The following FBXL13 variants were observed in gnomAD, a reference collection of about 807,000 sequenced individuals.
The protein encoded by FBXL13 is F-box and leucine-rich repeat protein 13.
A neutral mutation model predicts 83.6 loss-of-function variants in FBXL13; 67 were observed. The observed-to-expected ratio is 0.80, with a 90% CI of 0.66 to 0.98. The LOEUF is 0.98. FBXL13 is among the 50% of genes least tolerant of loss of function. The probability of loss-of-function intolerance (pLI) is 0.00; values close to 1 mark genes in which losing one functional copy is unlikely to be tolerated. For missense variants in FBXL13, 822 were observed against 866.5 expected (o/e 0.95, Z 0.64); for synonymous variants, 272 against 299.5 (o/e 0.91, Z 0.95).
At chr7:102,945,507 C>T (rs930814897) in intron 8 of FBXL13, among the ~76,000 whole-genome samples, 13 of 151,908 alleles carry the variant, frequency 8.6e-5, no homozygotes, top group Admixed American at 2.0e-4. Flanking sequence ...GGAAATAATA[C>T]GAGGCCACTG....
At chr7:103,041,658 C>G (rs1795715806) in intron 2 of FBXL13, among the ~76,000 whole-genome samples, 1 of 152,198 alleles carries the variant, frequency 6.6e-6, no homozygotes, top group Non-Finnish European at 1.5e-5. Flanking sequence ...GGATGCAAGG[C>G]TGGTTCAACA....
At chr7:102,862,591 A>G (rs1323768682) in intron 16 of FBXL13, among the ~76,000 whole-genome samples, 1 of 152,240 alleles carries the variant, frequency 6.6e-6, no homozygotes, top group Non-Finnish European at 1.5e-5. Context: ...TAAACAAACC[A>G]TCAGCACAAA....
At chr7:102,834,120 A>T (rs1397629117) in intron 17 of FBXL13, among the ~76,000 whole-genome samples, 1 of 114,422 alleles carries the variant, frequency 8.7e-6, no homozygotes, top group Admixed American at 7.8e-5. Flanking sequence ...GAAAGAAAGA[A>T]AGAAAGAAAG....
intron 6 of FBXL13, among the ~76,000 whole-genome samples, chr7:102,970,572 C>T (rs966099272): frequency 4.6e-5 from 7 of 152,068 alleles, no homozygotes; most frequent in African/African-American, 9.7e-5. Context: ...TCAAGCCAGG[C>T]CTTACAGGAT....
intron 9 of FBXL13, among the ~76,000 whole-genome samples, chr7:102,928,782 A>G (rs188942567): frequency 6.6e-6 from 1 of 152,262 alleles, no homozygotes; most frequent in South Asian, 2.1e-4. Context: ...AAACAACTTC[A>G]TTATAATGAC....
chr7:103,035,624 A>G (rs913213101), intron 2 of FBXL13, among the ~76,000 whole-genome samples: 5 of 152,342 alleles, frequency 3.3e-5, no homozygotes, highest in Admixed American at 2.6e-4. Flanking sequence ...ACAGCTATAG[A>G]AAAAAAGTTT....
intron 16 of FBXL13, among the ~76,000 whole-genome samples, chr7:102,868,379 C>T (rs1462807173): frequency 1.3e-5 from 2 of 152,062 alleles, no homozygotes; most frequent in Non-Finnish European, 2.9e-5. Context: ...CCCCTTTTTT[C>T]AGATTCCGCA....
intron 17 of FBXL13, among the ~76,000 whole-genome samples, chr7:102,848,729 C>T (rs114666737): frequency 0.011 from 1,626 of 152,160 alleles, 37 homozygotes; most frequent in African/African-American, 0.038. Flanking sequence ...CACGGCGCCT[C>T]ACACCCATAA....
chr7:102,964,073 G>A (rs73192026), intron 7 of FBXL13, among the ~76,000 whole-genome samples: 26,399 of 152,116 alleles, frequency 0.17, 2,352 homozygotes, highest in Middle Eastern at 0.22. Flanking sequence ...CACCTTGGGA[G>A]GCCAAAGCGG....
intron 6 of FBXL13, among the ~76,000 whole-genome samples, chr7:102,983,733 T>C (rs1828578614): frequency 6.6e-6 from 1 of 152,128 alleles, no homozygotes; most frequent in African/African-American, 2.4e-5. Flanking sequence ...AAACCCATTC[T>C]TTCCCAGTCA....
At chr7:102,997,012 C>T (rs554275490) in intron 6 of FBXL13, among the ~76,000 whole-genome samples, 31 of 152,058 alleles carry the variant, frequency 2.0e-4, no homozygotes, top group African/African-American at 6.7e-4. Context: ...ATTACTAGAC[C>T]GAGAGATCCA....
chr7:102,826,196 CA>C (rs1192201347), intron 18 of FBXL13, among the ~76,000 whole-genome samples: 2 of 152,198 alleles, frequency 1.3e-5, no homozygotes, highest in South Asian at 2.1e-4. Context: ...ATTTTACTAG[CA>C]CTTCTGGTGA....
chr7:102,978,730 T>G (rs1827822948), intron 6 of FBXL13: 1 of 176,166 alleles, frequency 5.7e-6, no homozygotes, highest in Admixed American at 5.6e-5. Flanking sequence ...AATCCTTCAG[T>G]TTTGTATTGT....
At chr7:102,816,912 T>C (rs1798094583) in intron 19 of FBXL13, among the ~76,000 whole-genome samples, 2 of 152,260 alleles carry the variant, frequency 1.3e-5, no homozygotes, top group Admixed American at 1.3e-4. Context: ...TCCAGCCGCA[T>C]CCATGTTGCT....
At chr7:103,017,314 A>G (rs903539392) in intron 6 of FBXL13, among the ~76,000 whole-genome samples, 2 of 151,064 alleles carry the variant, frequency 1.3e-5, no homozygotes, top group African/African-American at 4.9e-5. Flanking sequence ...CCATACAAAA[A>G]CCCCATCTGT....
At chr7:102,817,225 A>G (rs1488348367) in intron 19 of FBXL13, among the ~76,000 whole-genome samples, 3 of 152,192 alleles carry the variant, frequency 2.0e-5, no homozygotes, top group Non-Finnish European at 4.4e-5. Flanking sequence ...TTCCCACCAC[A>G]GTGTAAAAGC....
chr7:102,865,534 TTTGA>T (rs1052350650), intron 16 of FBXL13, among the ~76,000 whole-genome samples: 5 of 152,104 alleles, frequency 3.3e-5, no homozygotes, highest in South Asian at 2.1e-4. Flanking sequence ...GTTTTTTTTG[TTTGA>T]TTGTTTGTTT....
chr7:102,901,727 C>T (rs1812985455), intron 11 of FBXL13, among the ~76,000 whole-genome samples: 1 of 152,184 alleles, frequency 6.6e-6, no homozygotes, highest in Non-Finnish European at 1.5e-5. Flanking sequence ...ACATAATGAT[C>T]TCCAGTTCCA....
At chr7:102,849,083 G>A (rs754593592) in intron 17 of FBXL13, among the ~76,000 whole-genome samples, 15 of 152,040 alleles carry the variant, frequency 9.9e-5, no homozygotes, top group South Asian at 2.1e-4. Context: ...CTTCTAATAC[G>A]TCTGAACTGT....
Sources: allele counts gnomAD v4.1 joint callset (sites outside exome capture counted in the v4.1 genomes callset), GRCh38; gene constraint gnomAD v4.1.1; transcripts MANE v1.5; gene names NCBI Gene and HGNC (gene_info 2026-07-23, HGNC 2026-07-21).